The following ASB7 variants were observed in gnomAD, a reference collection of about 807,000 sequenced individuals.
ASB7 encodes the protein ankyrin repeat and SOCS box containing 7.
ASB7 carries 4 observed loss-of-function variants against 32.5 expected under a neutral mutation model. The ratio of observed to expected loss-of-function variants is 0.12; its 90% CI spans 0.06 to 0.28. The LOEUF (loss-of-function observed/expected upper bound fraction) is 0.28. ASB7 is among the 10% of genes least tolerant of loss of function. ASB7 has a pLI of 1.00. For missense variants in ASB7, 181 were observed against 407.1 expected (o/e 0.44, Z 4.78); for synonymous variants, 172 against 155.6 (o/e 1.11, Z -0.78).
intron 5 of ASB7, among the ~76,000 whole-genome samples, chr15:100,638,616 T>G (rs2039940993): frequency 6.6e-6 from 1 of 152,228 alleles, no homozygotes. Context: ...CTTGAATAAA[T>G]ACATCATTTA....
chr15:100,619,240 G>C (rs1040821425), intron 4 of ASB7, among the ~76,000 whole-genome samples: 4 of 152,232 alleles, frequency 2.6e-5, no homozygotes, highest in African/African-American at 9.6e-5. Context: ...CACTGCGTGT[G>C]ACGGGTTGAA....
intron 2 of ASB7, among the ~76,000 whole-genome samples, chr15:100,604,164 C>G (rs1229021312): frequency 6.6e-6 from 1 of 152,186 alleles, no homozygotes; most frequent in Non-Finnish European, 1.5e-5. Context: ...AAAAAGATTT[C>G]TCATTTTAAA....
At chr15:100,633,197 T>C (rs1334650274) in intron 5 of ASB7, among the ~76,000 whole-genome samples, 1 of 151,266 alleles carries the variant, frequency 6.6e-6, no homozygotes, top group Non-Finnish European at 1.5e-5. Flanking sequence ...TTTTTGGTTT[T>C]TTACTTGTAG....
At chr15:100,604,231 T>C (rs149168903) in intron 2 of ASB7, among the ~76,000 whole-genome samples, 79 of 152,318 alleles carry the variant, frequency 5.2e-4, no homozygotes, top group African/African-American at 1.8e-3. Context: ...TGTGATCACA[T>C]TTCTGCTGCC....
chr15:100,646,314 C>A, intron 5 of ASB7: 2 of 388,480 alleles, frequency 5.1e-6, no homozygotes, highest in South Asian at 4.7e-5. Context: ...AAGAACCAGT[C>A]AAGATCCATA....
chr15:100,647,701 A>G (rs1177339988), intron 5 of ASB7, among the ~76,000 whole-genome samples: 31 of 152,110 alleles, frequency 2.0e-4, no homozygotes, highest in Non-Finnish European at 2.9e-5. Flanking sequence ...GCACTCCTCA[A>G]CTGTCAGCCT....
intron 2 of ASB7, among the ~76,000 whole-genome samples, chr15:100,607,028 C>A (rs145755536): frequency 1.3e-5 from 2 of 152,168 alleles, no homozygotes; most frequent in Non-Finnish European, 2.9e-5. Context: ...TGGCACGCTC[C>A]TGTAGTCCCA....
At chr15:100,644,821 C>T (rs2039986704) in intron 5 of ASB7, among the ~76,000 whole-genome samples, 1 of 104,188 alleles carries the variant, frequency 9.6e-6, no homozygotes, top group Admixed American at 7.9e-5. Flanking sequence ...TCCCAAGAGG[C>T]ACATGAGTGT....
chr15:100,646,554 A>T (rs1227230551), intron 5 of ASB7: 1 of 400,590 alleles, frequency 2.5e-6, no homozygotes, highest in Non-Finnish European at 5.1e-6. Flanking sequence ...TGATGATGTT[A>T]CTAAGGTCAA....
At chr15:100,624,342 G>A (rs2039819047) in intron 4 of ASB7, among the ~76,000 whole-genome samples, 2 of 152,172 alleles carry the variant, frequency 1.3e-5, no homozygotes, top group Admixed American at 1.3e-4. Context: ...AAATGCTCAA[G>A]GTGATGATGG....
intron 1 of ASB7, 62 bp from the exon 2 acceptor site, chr15:100,603,153 C>G (rs2039577390): frequency 2.6e-6 from 1 of 391,742 alleles, no homozygotes; most frequent in Non-Finnish European, 4.5e-6. Flanking sequence ...CAGCCCCTTT[C>G]CTGAGCTCCC....
intron 2 of ASB7, among the ~76,000 whole-genome samples, chr15:100,608,633 G>A (rs1328426121): frequency 6.6e-6 from 1 of 152,110 alleles, no homozygotes; most frequent in African/African-American, 2.4e-5. Context: ...ATTTGTATAA[G>A]GATCGCTTTG....
chr15:100,633,810 C>T lies in ASB7; in HGVS notation c.817+3768C>T, dbSNP rs2039902706. Among the ~76,000 whole-genome samples the T allele has an allele frequency of 2.0e-5, 3 of 152,062 alleles. No individual in the cohort carries two copies. In the South Asian group the frequency reaches 6.2e-4, roughly 32 times the overall value. On this transcript the variant is annotated intron_variant, in intron 5 of 5. Transcript: ENST00000332783. ...GACTAGGTTGAGGCAAGTGAAGTGG[C>T]CAGGGCACAAAACTTAGGAGGCCCT... is the stretch of plus-strand genomic sequence containing the variant.
intron 5 of ASB7, among the ~76,000 whole-genome samples, chr15:100,642,455 G>A (rs1252259055): frequency 6.6e-6 from 1 of 152,208 alleles, no homozygotes; most frequent in Non-Finnish European, 1.5e-5. Context: ...TACATACAAG[G>A]CTTCCCCGTC....
rs1276821830 is a variant in ASB7, at chr15:100,651,398, C to T, written c.*2936C>T. On this transcript the variant is annotated 3_prime_UTR_variant, in exon 6 of 6. Transcript: ENST00000332783. ...CATTTCCACTAGAGAATCCAGCGTT[C>T]TGGCAGTAGCAAGAGTACACATCTG... 2.0e-5 allele frequency: 3 copies of T among 152,168 alleles called. No homozygotes were observed. The highest frequency in any genetic ancestry group is 1.5e-5 in the Non-Finnish European group (1 of 68,018). 9.4% of individuals were successfully genotyped at this position (152,168 alleles called of 1,614,324 possible).
chr15:100,646,105 G>A (rs11853580), intron 5 of ASB7: 204,005 of 393,864 alleles, frequency 0.52, 55,744 homozygotes, highest in African/African-American at 0.7. Flanking sequence ...ATCTACACTT[G>A]GGCAGCAGCA....
intron 4 of ASB7, among the ~76,000 whole-genome samples, chr15:100,627,238 C>A (rs2039847692): frequency 6.6e-6 from 1 of 152,068 alleles, no homozygotes; most frequent in African/African-American, 2.4e-5. Context: ...AAAATGTTTG[C>A]TAAGGGGACA....
At position 100,649,998 on chromosome 15, in the gene ASB7, A is replaced by T. The variant is rs543938547; in HGVS notation, c.*1536A>T. ...AGAACTAGGAGTTTTCTCTGGCTTC[A>T]CCTTTTTCAGAGCCAGCAGTGCTGT... is the stretch of plus-strand genomic sequence containing the variant. On this transcript the variant is annotated 3_prime_UTR_variant, in exon 6 of 6. Transcript: ENST00000332783. 8 of 152,352 alleles carry T rather than the reference A, an allele frequency of 5.3e-5. 1 individual carries two copies. In the South Asian group the frequency reaches 1.0e-3, roughly 20 times the overall value. 9.4% of individuals were successfully genotyped at this position (152,352 alleles called of 1,614,324 possible).
intron 4 of ASB7, among the ~76,000 whole-genome samples, chr15:100,613,693 T>C (rs2039716088): frequency 6.6e-6 from 1 of 152,254 alleles, no homozygotes; most frequent in South Asian, 2.1e-4. Context: ...AAGACCAAGA[T>C]GAGGGCTCAC....
Sources: gnomAD v4.1 joint callset for allele counts (sites outside exome capture counted in the v4.1 genomes callset) on GRCh38, gnomAD v4.1.1 for gene constraint, MANE v1.5 for transcripts, NCBI Gene and HGNC (gene_info 2026-07-23, HGNC 2026-07-21) for gene names.